The following SV2C variants were observed in gnomAD, a reference collection of about 807,000 sequenced individuals.
SV2C encodes synaptic vesicle glycoprotein 2C, also known as solute carrier family 22 member B3.
A neutral mutation model predicts 79.7 loss-of-function variants in SV2C; 49 were observed. That is an observed-to-expected ratio of 0.61 (90% CI 0.49 to 0.78). The LOEUF (loss-of-function observed/expected upper bound fraction) is 0.78, where lower values mean the gene tolerates loss of function less well. Among genes scored for constraint, SV2C ranks in the 30% least tolerant of loss-of-function variants. The pLI is 0.00. For synonymous variants in SV2C, 334 were observed against 333.2 expected, an observed-to-expected ratio of 1.00 and a Z score of -0.03; for missense variants, 833 against 912.9, an observed-to-expected ratio of 0.91 and a Z score of 1.13.
intron 4 of SV2C, among the ~76,000 whole-genome samples, chr5:76,254,274 A>AGT (rs1561285094): frequency 6.6e-6 from 1 of 151,696 alleles, no homozygotes. Flanking sequence ...AGAGAGAGAG[A>AGT]TATTAAAAAT....
chr5:75,927,351 T>C, the SV2C span, among the ~76,000 whole-genome samples: 1 of 152,164 alleles, frequency 6.6e-6, no homozygotes, highest in East Asian at 1.9e-4. Context: ...TTTGATAACA[T>C]ATGTGAACCT....
chr5:75,946,374 T>C, the SV2C span, among the ~76,000 whole-genome samples: 2 of 152,158 alleles, frequency 1.3e-5, no homozygotes, highest in African/African-American at 4.8e-5. Flanking sequence ...AAAAATCATT[T>C]GATCATATTT....
intron 12 of SV2C, among the ~76,000 whole-genome samples, chr5:76,345,517 G>A (rs1749522246): frequency 6.6e-6 from 1 of 152,156 alleles, no homozygotes; most frequent in African/African-American, 2.4e-5. Context: ...CCAACAGGAG[G>A]GTTAGGGAAG....
At chr5:76,072,082 ATGTT>A in the SV2C span, among the ~76,000 whole-genome samples, 3 of 152,122 alleles carry the variant, frequency 2.0e-5, no homozygotes, top group Non-Finnish European at 4.4e-5. Context: ...AAAGGGGCAC[ATGTT>A]TGTTTGTTTT....
intron 2 of SV2C, among the ~76,000 whole-genome samples, chr5:76,148,325 G>T (rs1749500255): frequency 6.6e-6 from 1 of 152,194 alleles, no homozygotes; most frequent in Non-Finnish European, 1.5e-5. Context: ...TCTGGCCAGG[G>T]TATAAATAGT....
At chr5:76,132,383 CA>C in intron 2 of SV2C, 53 bp downstream of exon 2, 1 of 1,496,718 alleles carries the variant, frequency 6.7e-7, no homozygotes, top group Non-Finnish European at 9.1e-7. Context: ...ATTTGTTAAG[CA>C]CAGTTATCAA....
the SV2C span, among the ~76,000 whole-genome samples, chr5:75,937,068 T>C: frequency 1.3e-5 from 2 of 151,964 alleles, no homozygotes; most frequent in Non-Finnish European, 2.9e-5. Flanking sequence ...TAAAGAAATC[T>C]AAAAGATAGT....
intron 2 of SV2C, among the ~76,000 whole-genome samples, 199 bp downstream of exon 2, chr5:76,132,529 C>T (rs1454867488): frequency 6.6e-6 from 1 of 152,200 alleles, no homozygotes; most frequent in Non-Finnish European, 1.5e-5. Flanking sequence ...CACCTAGATT[C>T]TGTAGTTAAC....
chr5:76,042,982 T>C, the SV2C span, among the ~76,000 whole-genome samples: 1 of 152,354 alleles, frequency 6.6e-6, no homozygotes, highest in African/African-American at 2.4e-5. Flanking sequence ...AATAGAATAG[T>C]GGTTAGATGT....
At chr5:75,849,021 C>T in the SV2C span, among the ~76,000 whole-genome samples, 2 of 152,218 alleles carry the variant, frequency 1.3e-5, no homozygotes, top group Non-Finnish European at 2.9e-5. Flanking sequence ...TCCTTGACCT[C>T]CAGTGCTCTT....
chr5:76,264,467 G>A (rs947805739), intron 4 of SV2C, among the ~76,000 whole-genome samples: 4 of 151,942 alleles, frequency 2.6e-5, no homozygotes, highest in South Asian at 2.1e-4. Flanking sequence ...ATCCAGTTTT[G>A]TGCCCTTGCT....
intron 1 of SV2C, among the ~76,000 whole-genome samples, chr5:76,101,624 G>A (rs1230213702): frequency 6.6e-6 from 1 of 152,120 alleles, no homozygotes; most frequent in Non-Finnish European, 1.5e-5. Flanking sequence ...TATGAAGACA[G>A]TGCAGCAGTT....
chr5:76,015,021 C>A, the SV2C span, among the ~76,000 whole-genome samples: 1 of 152,144 alleles, frequency 6.6e-6, no homozygotes, highest in African/African-American at 2.4e-5. Flanking sequence ...CCATATGATT[C>A]ATATAATTTT....
At chr5:76,065,323 T>A in the SV2C span, among the ~76,000 whole-genome samples, 1 of 152,208 alleles carries the variant, frequency 6.6e-6, no homozygotes, top group Non-Finnish European at 1.5e-5. Context: ...ATATTTCTTT[T>A]TAAACATCGT....
chr5:76,062,111 G>GT, the SV2C span, among the ~76,000 whole-genome samples: 22 of 151,460 alleles, frequency 1.5e-4, no homozygotes, highest in African/African-American at 4.4e-4. Context: ...AAACTGGGTA[G>GT]TTTTTTTTTA....
the SV2C span, among the ~76,000 whole-genome samples, chr5:76,011,004 G>T: frequency 6.6e-6 from 1 of 152,158 alleles, no homozygotes; most frequent in South Asian, 2.1e-4. Context: ...TTTTCAAAGA[G>T]CACACTTGTG....
chr5:76,184,329 C>T (rs1205676146), intron 2 of SV2C, among the ~76,000 whole-genome samples: 1 of 152,180 alleles, frequency 6.6e-6, no homozygotes, highest in African/African-American at 2.4e-5. Context: ...TACCCTCATA[C>T]TTTGCAAGAT....
chr5:75,926,897 C>T, the SV2C span, among the ~76,000 whole-genome samples: 6 of 152,176 alleles, frequency 3.9e-5, no homozygotes, highest in Non-Finnish European at 7.3e-5. Context: ...TCAATTTCCT[C>T]TGGAAGGAAT....
the SV2C span, among the ~76,000 whole-genome samples, chr5:75,924,997 T>C: frequency 6.6e-6 from 1 of 152,162 alleles, no homozygotes; most frequent in Admixed American, 6.6e-5. Context: ...TATTGAATCA[T>C]AAAAAGTTAT....
Sources: gnomAD v4.1 joint callset for allele counts (sites outside exome capture counted in the v4.1 genomes callset) on GRCh38, gnomAD v4.1.1 for gene constraint, MANE v1.5 for transcripts, NCBI Gene and HGNC (gene_info 2026-07-23, HGNC 2026-07-21) for gene names.